Variants in NBEAL1 observed in about 807,000 individuals in gnomAD.
NBEAL1 encodes neurobeachin-like protein 1.
NBEAL1 carries 273 observed loss-of-function variants against 351.3 expected under a neutral mutation model. The ratio of observed to expected loss-of-function variants is 0.78; its 90% confidence interval spans 0.70 to 0.86. The LOEUF is 0.86. NBEAL1 is among the 40% of genes least tolerant of loss of function. NBEAL1 has a pLI of 0.00. For missense variants in NBEAL1, 2,961 were observed against 3,201.3 expected, an observed-to-expected ratio of 0.92 and a Z score of 1.81; for synonymous variants, 1,050 against 1,086.4, an observed-to-expected ratio of 0.97 and a Z score of 0.66.
chr2:203,038,928 C>T (rs2061082512), intron 2 of NBEAL1, among the ~76,000 whole-genome samples: 1 of 149,080 alleles, frequency 6.7e-6, no homozygotes. Context: ...GATTCTCTCA[C>T]ATCAGCTTCC....
intron 12 of NBEAL1, 96 bp from the exon 13 acceptor site, chr2:203,107,320 AAGTT>A: frequency 1.8e-6 from 1 of 546,182 alleles, no homozygotes; most frequent in Non-Finnish European, 3.1e-6. Context: ...ATTTAATATT[AAGTT>A]AATTAGCATA....
rs780297823 is a variant in NBEAL1 at position 203,135,960 on chromosome 2, T to C, written c.4097T>C (p.Leu1366Ser). The part of the protein sequence containing the change: ...DQWSLEDRHS[L>S]DSNTPLFPED... The stretch of plus-strand genomic sequence containing the variant: ...TGGAGTTTGGAGGATAGACACTCTT[T>C]AGACTCAAACACACCATTATTTCCA... Residue 1366 changes from leucine to serine, a missense_variant, in exon 28 of 56, where the codon TTA becomes TCA. Transcript: ENST00000683969. 5.0e-6 allele frequency: 8 copies of C among 1,614,002 alleles called. No individual in the cohort carries two copies. Among genetic ancestry groups the C allele is most frequent in the South Asian group, 1.1e-5 (1 of 91,078 alleles).
At chr2:203,048,753 T>G (rs2061273035) in intron 3 of NBEAL1, among the ~76,000 whole-genome samples, 1 of 152,178 alleles carries the variant, frequency 6.6e-6, no homozygotes. Flanking sequence ...GAGGAACCAC[T>G]CATGTCTGAT....
intron 7 of NBEAL1, among the ~76,000 whole-genome samples, chr2:203,069,908 C>T (rs1274342148): frequency 6.6e-6 from 1 of 152,212 alleles, no homozygotes; most frequent in East Asian, 1.9e-4. Context: ...GATCCTCCCA[C>T]CTCAGCCTCT....
chr2:203,099,145 G>T (rs1374853220), intron 11 of NBEAL1, among the ~76,000 whole-genome samples: 1 of 151,946 alleles, frequency 6.6e-6, no homozygotes, highest in East Asian at 1.9e-4. Context: ...GCATGGTGAC[G>T]CATGCCTGTA....
At chr2:203,175,392 A>G (rs1360438310) in intron 42 of NBEAL1, 105 bp downstream of exon 42, 3 of 1,180,834 alleles carry the variant, frequency 2.5e-6, no homozygotes. Context: ...ATTCTCCTGT[A>G]TTAAATTTTG....
At chr2:203,016,932 T>A (rs947466850) in intron 2 of NBEAL1, among the ~76,000 whole-genome samples, 2 of 152,212 alleles carry the variant, frequency 1.3e-5, no homozygotes, top group Admixed American at 6.5e-5. Context: ...TACAATACTG[T>A]GAGGTGAATA....
chr2:203,128,744 C>T (rs188528729), intron 24 of NBEAL1, among the ~76,000 whole-genome samples: 1 of 151,884 alleles, frequency 6.6e-6, no homozygotes, highest in African/African-American at 2.4e-5. Flanking sequence ...ACTACAGGCA[C>T]GCAGCATCAC....
At chr2:203,175,388 C>G in intron 42 of NBEAL1, 101 bp downstream of exon 42, 1 of 1,210,660 alleles carries the variant, frequency 8.3e-7, no homozygotes, top group Non-Finnish European at 1.2e-6. Flanking sequence ...TTTTATTCTC[C>G]TGTATTAAAT....
chr2:203,155,818 TC>T (rs1304098131), intron 35 of NBEAL1, among the ~76,000 whole-genome samples: 1 of 152,292 alleles, frequency 6.6e-6, no homozygotes, highest in East Asian at 1.9e-4. Context: ...AGTCTTTTTT[TC>T]TAAAACTTTT....
chr2:203,194,949 G>A (rs2065197312), intron 47 of NBEAL1, among the ~76,000 whole-genome samples: 1 of 152,166 alleles, frequency 6.6e-6, no homozygotes, highest in Non-Finnish European at 1.5e-5. Context: ...TGTAATCCCA[G>A]CACTTTGGGA....
chr2:203,054,290 G>A (rs1357988199), intron 4 of NBEAL1, among the ~76,000 whole-genome samples: 1 of 152,048 alleles, frequency 6.6e-6, no homozygotes, highest in African/African-American at 2.4e-5. Context: ...GCTGGGAATG[G>A]TGCCACATGC....
In NBEAL1 at chr2:203,218,034, A is replaced by C. The variant is rs559130524; in HGVS notation, c.*680A>C. ...GATGTATTTCCTTAATAATATAATT[A>C]AGCAAAAGTGCTAATTGTGATTTTG... On this transcript the variant is annotated 3_prime_UTR_variant, in exon 56 of 56. Transcript: ENST00000683969. 4.4e-5 allele frequency: 31 copies of C among 711,022 alleles called. No homozygotes were observed. The African/African-American group carries it at 5.8e-4, about 13-fold the overall frequency. The allele number at this position is 711,022 out of a possible 1,614,324, so 44.0% of individuals were successfully genotyped here.
At position 203,170,875 on chromosome 2, in the gene NBEAL1, T is replaced by C. The variant is rs2064297206; in HGVS notation, c.6102+1024T>C. ...TTAATGTAATGTTTCATTAAAATAGTTGGATAGTTTTAATATATCAAGACA... is the reference window on the plus strand; with the variant it reads ...TTAATGTAATGTTTCATTAAAATAGCTGGATAGTTTTAATATATCAAGACA... On this transcript the variant is annotated intron_variant, in intron 39 of 55. Transcript: ENST00000683969. 7.2e-5 allele frequency among the ~76,000 whole-genome samples: 11 copies of C among 152,328 alleles called. 1 individual carries two copies. The South Asian group carries it at 2.3e-3, about 32-fold the overall frequency.
intron 2 of NBEAL1, chr2:203,040,592 AT>A: frequency 1.5e-6 from 1 of 677,052 alleles, no homozygotes; most frequent in South Asian, 1.4e-5. Flanking sequence ...AAGGTCAAGA[AT>A]AAGACCATCC....
At chr2:203,170,617 A>G (rs542556087) in intron 39 of NBEAL1, among the ~76,000 whole-genome samples, 5 of 152,326 alleles carry the variant, frequency 3.3e-5, no homozygotes, top group African/African-American at 1.2e-4. Flanking sequence ...TCTCTTAATC[A>G]GGGTCTTTGC....
chr2:203,133,034 A>G, intron 26 of NBEAL1, 24 bp from the exon 27 acceptor site: 1 of 1,097,616 alleles, frequency 9.1e-7, no homozygotes, highest in Non-Finnish European at 1.3e-6. Context: ...ATTTAATTTT[A>G]ACTTTTTGTT....
At position 203,130,355 on chromosome 2, in the gene NBEAL1, G is replaced by C. The variant is rs189753012; in HGVS notation, c.3443G>C (p.Arg1148Pro). 6.5e-7 allele frequency: 1 copy of C among 1,534,668 alleles called. No homozygotes were observed. Among genetic ancestry groups the C allele is most frequent in the Non-Finnish European group, 8.8e-7 (1 of 1,140,894 alleles). Residue 1148 changes from arginine (R) to proline (P), a missense_variant, in exon 25 of 56, where the codon CGT becomes CCT. Arg to Pro is a moderately radical substitution (Grantham distance 103). Coordinates refer to ENST00000683969, the MANE Select transcript of NBEAL1 (RefSeq NM_001378026.1). ...TTGGACGTGCTCTTCAGTCTCCTACGTACCAGCCCAACCAGAGGTCAGCTT... is the reference window on the plus strand; with the variant it reads ...TTGGACGTGCTCTTCAGTCTCCTACCTACCAGCCCAACCAGAGGTCAGCTT... ...GILDVLFSLLRTSPTRGQLFL... is the reference protein window; with the variant it reads ...GILDVLFSLLPTSPTRGQLFL...
chr2:203,158,417 T>C (rs571516113), intron 36 of NBEAL1, among the ~76,000 whole-genome samples: 17 of 152,308 alleles, frequency 1.1e-4, no homozygotes, highest in Non-Finnish European at 2.2e-4. Context: ...CTTTGAAAGA[T>C]ACAAATTACC....
Sources: gnomAD v4.1 joint callset for allele counts (sites outside exome capture counted in the v4.1 genomes callset) on GRCh38, gnomAD v4.1.1 for gene constraint, MANE v1.5 for transcripts, NCBI Gene and HGNC (gene_info 2026-07-23, HGNC 2026-07-21) for gene names.